Variants in CNGB3 observed in about 807,000 individuals in gnomAD.
The protein encoded by CNGB3 is cyclic nucleotide-gated channel beta-3.
Under a neutral mutation model 92.8 loss-of-function variants are expected in CNGB3, and 86 were observed. The observed-to-expected ratio is 0.93, with a 90% confidence interval of 0.78 to 1.11. The LOEUF (loss-of-function observed/expected upper bound fraction) is 1.11, where lower values mean the gene tolerates loss of function less well. Ranked by LOEUF, CNGB3 falls within the 50% of genes least tolerant of loss-of-function variation. CNGB3 has a pLI of 0.00. For synonymous variants in CNGB3, 333 were observed against 332.7 expected (o/e 1.00, Z -0.01); for missense variants, 1,026 against 956.8 (o/e 1.07, Z -0.95).
At chr8:86,698,129 A>G (rs1824485554) in intron 3 of CNGB3, among the ~76,000 whole-genome samples, 1 of 152,194 alleles carries the variant, frequency 6.6e-6, no homozygotes, top group African/African-American at 2.4e-5. Context: ...AGATCTGATA[A>G]AGCTGTGTGA....
intron 1 of CNGB3, among the ~76,000 whole-genome samples, chr8:86,741,227 G>A (rs895436435): frequency 3.3e-5 from 5 of 152,092 alleles, no homozygotes; most frequent in East Asian, 1.9e-4. Flanking sequence ...TTGAAAGGTC[G>A]AATTCCGTGA....
rs185699933 is a variant in CNGB3, at chr8:86,593,493, T to C, written c.1781+10600A>G. Among the ~76,000 whole-genome samples, 7 of 152,308 alleles carry C rather than the reference T, an allele frequency of 4.6e-5. No individual in the cohort carries two copies. In the East Asian group the frequency reaches 1.2e-3, roughly 25 times the overall value. On this transcript the variant is annotated intron_variant, in intron 15 of 17. Coordinates refer to ENST00000320005, the MANE Select transcript of CNGB3 (RefSeq NM_019098.5). ...TTTTAAAGTTTTTTTTAAAAGTAAA[T>C]CCCTTTATTTTCCTATGTAATGACC...
intron 10 of CNGB3, among the ~76,000 whole-genome samples, chr8:86,639,910 A>G (rs1823147582): frequency 6.6e-6 from 1 of 152,034 alleles, no homozygotes; most frequent in African/African-American, 2.4e-5. Context: ...ATTTATAGTC[A>G]GAGAATGTGA....
At chr8:86,671,208 T>A in intron 3 of CNGB3, 110 bp from the exon 4 acceptor site, 4 of 1,201,014 alleles carry the variant, frequency 3.3e-6, no homozygotes, top group Non-Finnish European at 4.9e-6. Flanking sequence ...TAACTTCCCC[T>A]TTTTTGCAAT....
At chr8:86,728,688 A>G (rs1471050028) in intron 2 of CNGB3, among the ~76,000 whole-genome samples, 1 of 152,102 alleles carries the variant, frequency 6.6e-6, no homozygotes, top group Non-Finnish European at 1.5e-5. Flanking sequence ...TATACCTTTT[A>G]TTACATGGAG....
In CNGB3 at chr8:86,632,889, G is replaced by A. The variant is rs149755970; in HGVS notation, c.1183C>T (p.Leu395=). ...WVYDGEGNEY[L]RCYYWAVRTL... ...CGAACTGCCCAATAATAACATCTCAGATACCTGTGAAAACAGAAGATATAC... is the reference window on the plus strand; with the variant it reads ...CGAACTGCCCAATAATAACATCTCAAATACCTGTGAAAACAGAAGATATAC... Residue 395 remains leucine (L), a synonymous_variant, in exon 11 of 18, where the codon CTG becomes TTG. Coordinates refer to ENST00000320005, the MANE Select transcript of CNGB3 (RefSeq NM_019098.5). 46 of 1,611,942 alleles carry A rather than the reference G, an allele frequency of 2.9e-5. No individual in the cohort carries two copies. In the African/African-American group the frequency reaches 5.9e-4, roughly 21 times the overall value.
In CNGB3 at chr8:86,632,904, A is replaced by C; in HGVS notation, c.1179-11T>G. ...TAACATCTCAGATACCTGTGAAAAC[A>C]GAAGATATACATTTTGCTTTTTTTC... On this transcript the variant is annotated splice_polypyrimidine_tract_variant and intron_variant, in intron 10 of 17. Coordinates refer to ENST00000320005, the MANE Select transcript of CNGB3 (RefSeq NM_019098.5). The C allele has an allele frequency of 6.2e-7, 1 of 1,611,558 alleles. No individual in the cohort carries two copies. Among genetic ancestry groups the C allele is most frequent in the Non-Finnish European group, 8.5e-7 (1 of 1,179,470 alleles).
chr8:86,704,515 G>A (rs1824616568), intron 3 of CNGB3: 1 of 152,166 alleles, frequency 6.6e-6, no homozygotes, highest in Non-Finnish European at 1.5e-5. Flanking sequence ...TAATGGAAAT[G>A]GAAAATCTTG....
rs572172445 is a variant in CNGB3, at chr8:86,682,483, G to A, written c.339-11385C>T. On this transcript the variant is annotated intron_variant, in intron 3 of 17. Transcript: ENST00000320005. Reference sequence around the variant, plus strand: ...CCAGTTTGACAGGGGGATTGTAGAAGTACTTCAACTCCCCAAAACAAATAT... The same window carrying A: ...CCAGTTTGACAGGGGGATTGTAGAAATACTTCAACTCCCCAAAACAAATAT... Among the ~76,000 whole-genome samples the A allele has an allele frequency of 4.6e-5, 7 of 152,288 alleles. No individual in the cohort carries two copies. In the South Asian group the frequency reaches 1.5e-3, roughly 32 times the overall value.
At chr8:86,684,176 G>C (rs1824137683) in intron 3 of CNGB3, among the ~76,000 whole-genome samples, 1 of 152,102 alleles carries the variant, frequency 6.6e-6, no homozygotes, top group Non-Finnish European at 1.5e-5. Flanking sequence ...TAATTATGAA[G>C]TGGGTAAAAC....
At chr8:86,631,508 G>A (rs1428784522) in intron 11 of CNGB3, among the ~76,000 whole-genome samples, 6 of 152,098 alleles carry the variant, frequency 3.9e-5, no homozygotes, top group Non-Finnish European at 7.4e-5. Context: ...TTTCTCATTC[G>A]TAAAACAGAG....
At chr8:86,579,911 A>G in intron 15 of CNGB3, among the ~76,000 whole-genome samples, 1 of 152,132 alleles carries the variant, frequency 6.6e-6, no homozygotes, top group East Asian at 1.9e-4. Flanking sequence ...TGCTGTTGCT[A>G]AATTTGAGAT....
chr8:86,595,814 A>G (rs1264164445), intron 15 of CNGB3, among the ~76,000 whole-genome samples: 1 of 152,214 alleles, frequency 6.6e-6, no homozygotes, highest in East Asian at 1.9e-4. Context: ...TATTCAGAAG[A>G]AATAGACAAT....
intron 10 of CNGB3, among the ~76,000 whole-genome samples, chr8:86,633,421 G>A (rs1480357890): frequency 6.6e-6 from 1 of 152,146 alleles, no homozygotes; most frequent in Non-Finnish European, 1.5e-5. Context: ...AACAGTAGAG[G>A]GTGGCTGGGT....
chr8:86,719,636 G>A (rs1205768037), intron 3 of CNGB3, among the ~76,000 whole-genome samples: 1 of 152,000 alleles, frequency 6.6e-6, no homozygotes, highest in African/African-American at 2.4e-5. Flanking sequence ...CACAGAACTA[G>A]AAAAAACAAT....
intron 15 of CNGB3, among the ~76,000 whole-genome samples, chr8:86,586,154 G>T (rs1214810228): frequency 6.6e-6 from 1 of 152,028 alleles, no homozygotes; most frequent in Non-Finnish European, 1.5e-5. Flanking sequence ...CATAGAAATA[G>T]CATACTCTAC....
intron 11 of CNGB3, among the ~76,000 whole-genome samples, chr8:86,630,173 T>G (rs572298616): frequency 3.3e-5 from 5 of 152,290 alleles, no homozygotes; most frequent in African/African-American, 9.6e-5. Flanking sequence ...AGTCTCTTAC[T>G]CCTCAGTGGC....
chr8:86,615,959 A>G (rs1053591227), intron 13 of CNGB3, among the ~76,000 whole-genome samples: 9 of 152,284 alleles, frequency 5.9e-5, no homozygotes, highest in South Asian at 2.1e-4. Context: ...AAATGTGTTT[A>G]GCCTTCTTTC....
chr8:86,635,842 A>ATG (rs1394152332), intron 10 of CNGB3, among the ~76,000 whole-genome samples: 2 of 66,320 alleles, frequency 3.0e-5, no homozygotes, highest in African/African-American at 1.6e-4. Flanking sequence ...ATATATATAT[A>ATG]TATATATATA....
Sources: gnomAD v4.1 joint callset for allele counts (sites outside exome capture counted in the v4.1 genomes callset) on GRCh38, gnomAD v4.1.1 for gene constraint, MANE v1.5 for transcripts, NCBI Gene and HGNC (gene_info 2026-07-23, HGNC 2026-07-21) for gene names.